WT1: variants seen among roughly 807,000 people sequenced by gnomAD.
The protein encoded by WT1 is WT1 transcription factor.
Under a neutral mutation model 60.8 loss-of-function variants are expected in WT1, and 8 were observed. The observed-to-expected ratio is 0.13, with a 90% CI of 0.08 to 0.24. WT1 has a LOEUF of 0.24. WT1 is among the 10% of genes least tolerant of loss of function. WT1 has a pLI of 1.00. For missense variants in WT1, 568 were observed against 711.8 expected, an observed-to-expected ratio of 0.80 and a Z score of 2.30; for synonymous variants, 312 against 297.1, an observed-to-expected ratio of 1.05 and a Z score of -0.52.
At chr11:32,400,256 A>C (rs1852113986) in intron 5 of WT1, 2 of 638,536 alleles carry the variant, frequency 3.1e-6, no homozygotes, top group Non-Finnish European at 5.7e-6. Flanking sequence ...CCCCTCCCTC[A>C]TCCTCCGATT....
intron 1 of WT1, chr11:32,430,588 G>C (rs1445916547): frequency 6.2e-7 from 1 of 1,604,528 alleles, no homozygotes; most frequent in Non-Finnish European, 8.5e-7. Flanking sequence ...ACAATCCTCA[G>C]AGCCCTGCTC....
intron 5 of WT1, among the ~76,000 whole-genome samples, chr11:32,411,646 T>C (rs1320089113): frequency 6.6e-6 from 1 of 152,196 alleles, no homozygotes; most frequent in Non-Finnish European, 1.5e-5. Flanking sequence ...AATACATTCA[T>C]CAAATGCATG....
At chr11:32,424,186 A>G (rs1852949106) in intron 3 of WT1, among the ~76,000 whole-genome samples, 1 of 144,386 alleles carries the variant, frequency 6.9e-6, no homozygotes, top group South Asian at 2.3e-4. Context: ...AAAAAGTGAT[A>G]CATTGCCTAT....
intron 2 of WT1, 149 bp downstream of exon 2, chr11:32,428,348 T>G: frequency 7.1e-7 from 1 of 1,409,542 alleles, no homozygotes; most frequent in Non-Finnish European, 9.7e-7. Flanking sequence ...AGTCTTGTCC[T>G]TTAAATACAG....
In WT1 at chr11:32,396,394, A is replaced by T. The variant is rs1180529775; in HGVS notation, c.1127T>A (p.Val376Glu). Residue 376 changes from valine (V) to glutamate (E), a missense_variant, in exon 7 of 10, where the codon GTG becomes GAG. Physicochemically the swap from Val to Glu is moderately radical, Grantham distance 121 (BLOSUM62 -2). Transcript: ENST00000452863. Reference sequence around the variant, plus strand: ...TACAAGAGTCGGGGCTACTCCAGGCACACGTCGCACATCCTGCAGGCAGAG... The same window carrying T: ...TACAAGAGTCGGGGCTACTCCAGGCTCACGTCGCACATCCTGCAGGCAGAG... The T allele has an allele frequency of 6.2e-7, 1 of 1,614,066 alleles. No homozygotes were observed. The highest frequency in any genetic ancestry group is 2.2e-5 in the East Asian group (1 of 44,874).
intron 5 of WT1, among the ~76,000 whole-genome samples, chr11:32,402,831 G>C (rs1360590860): frequency 1.3e-5 from 2 of 152,244 alleles, no homozygotes; most frequent in African/African-American, 4.8e-5. Context: ...GATCACAGGA[G>C]TGAGCCACTG....
Position 32,435,539 on chromosome 11 carries a change from T to A in WT1, c.-179A>T. On this transcript the variant is annotated 5_prime_UTR_variant, in exon 1 of 10. Coordinates refer to ENST00000452863, the MANE Select transcript of WT1 (RefSeq NM_024426.6). ...CCTTGAACTCCTTACCCCAGCTGCCTGGCTGCCCTCAGCTTCCCAAAGCTC... is the reference window on the plus strand; with the variant it reads ...CCTTGAACTCCTTACCCCAGCTGCCAGGCTGCCCTCAGCTTCCCAAAGCTC... 1 of 1,004,980 alleles carries A rather than the reference T, an allele frequency of 1.0e-6. No homozygotes were observed. The highest frequency in any genetic ancestry group is 1.4e-6 in the Non-Finnish European group (1 of 703,400). 62.3% of individuals were successfully genotyped at this position (1,004,980 alleles called of 1,614,324 possible).
chr11:32,424,538 C>T (rs1379970854), intron 3 of WT1, among the ~76,000 whole-genome samples: 2 of 152,206 alleles, frequency 1.3e-5, no homozygotes, highest in African/African-American at 4.8e-5. Flanking sequence ...TAAGGGCAGA[C>T]ACCTGGTTTC....
chr11:32,410,477 G>A (rs3901671), intron 5 of WT1, among the ~76,000 whole-genome samples: 44,225 of 151,690 alleles, frequency 0.29, 7,315 homozygotes, highest in East Asian at 0.68. Flanking sequence ...TGTCTCTTCC[G>A]TCTAATATAT....
chr11:32,388,531 G>A lies in WT1; in HGVS notation c.*527C>T. ...CTACATCCTGCTTTCCAGGTTAGCA[G>A]CCTGGCTGACCTCGGGAATGTTAGA... On this transcript the variant is annotated 3_prime_UTR_variant, in exon 10 of 10. Coordinates refer to ENST00000452863, the MANE Select transcript of WT1 (RefSeq NM_024426.6). The A allele has an allele frequency of 4.1e-6, 1 of 243,268 alleles. No homozygotes were observed. Among genetic ancestry groups the A allele is most frequent in the East Asian group, 5.7e-5 (1 of 17,402 alleles). The allele number at this position is 243,268 out of a possible 1,614,324, so 15.1% of individuals were successfully genotyped here. A position where few individuals can be genotyped will look rare whatever the true frequency, so the allele number is the denominator to read the frequency against.
Position 32,413,939 on chromosome 11 carries a change from C to T in WT1, c.1016+2551G>A, listed in dbSNP as rs115324375. Among the ~76,000 whole-genome samples the T allele has an allele frequency of 3.4e-3, 524 of 152,284 alleles. 3 individuals are homozygous for T. The highest frequency in any genetic ancestry group is 0.012 in the African/African-American group (495 of 41,558). On this transcript the variant is annotated intron_variant, in intron 5 of 9. Coordinates refer to ENST00000452863, the MANE Select transcript of WT1 (RefSeq NM_024426.6). The stretch of plus-strand genomic sequence containing the variant: ...TTAGATAGCTTAATCTCTCCACCTC[C>T]TCAGCTAAAAAATTGGATGTGGCCA...
intron 6 of WT1, among the ~76,000 whole-genome samples, chr11:32,398,696 T>A (rs532869977): frequency 1.1e-4 from 16 of 152,066 alleles, no homozygotes; most frequent in Admixed American, 2.6e-4. Context: ...TCCCCATCCA[T>A]GAAATGGAGA....
intron 1 of WT1, among the ~76,000 whole-genome samples, chr11:32,432,987 A>G (rs1853362565): frequency 6.6e-6 from 1 of 152,180 alleles, no homozygotes; most frequent in South Asian, 2.1e-4. Context: ...AGATGTTTAG[A>G]TGGGTTGCCG....
intron 5 of WT1, among the ~76,000 whole-genome samples, chr11:32,401,081 G>A (rs1852138744): frequency 1.3e-5 from 2 of 152,166 alleles, no homozygotes; most frequent in Admixed American, 1.3e-4. Context: ...ATTCCTAAGA[G>A]CCAAAAAGTA....
At chr11:32,426,011 C>T (rs1233848877) in intron 3 of WT1, among the ~76,000 whole-genome samples, 1 of 152,160 alleles carries the variant, frequency 6.6e-6, no homozygotes, top group African/African-American at 2.4e-5. Context: ...TGGTAATGAT[C>T]GCTTTTTCCT....
Position 32,435,141 on chromosome 11 carries a change from T to A in WT1, c.220A>T (p.Met74Leu). The change falls in exon 1 of 10, where the codon ATG (methionine) becomes TTG (leucine). Residue 74 changes from methionine to leucine, a missense_variant. This residue lies in a region of WT1 where 523 missense variants were observed against 565.1 expected (regional missense o/e 0.93). Transcript: ENST00000452863. ...TTCAGGTCCCGCACGTCGGAGCCCA[T>A]TTGCTGCGGCTCAGACCCGGACGCC... is the stretch of plus-strand genomic sequence containing the variant. The A allele has an allele frequency of 6.6e-7, 1 of 1,519,998 alleles. No homozygotes were observed. The highest frequency in any genetic ancestry group is 1.2e-5 in the South Asian group (1 of 82,586). The allele number at this position is 1,519,998 out of a possible 1,614,324, so 94.2% of individuals were successfully genotyped here.
chr11:32,389,942 T>C (rs1268677025), intron 9 of WT1, among the ~76,000 whole-genome samples: 1 of 152,176 alleles, frequency 6.6e-6, no homozygotes, highest in Non-Finnish European at 1.5e-5. Flanking sequence ...TGCCAAGCCT[T>C]GTGCTGGGCT....
At chr11:32,427,156 C>A (rs541130998) in intron 3 of WT1, among the ~76,000 whole-genome samples, 1 of 152,224 alleles carries the variant, frequency 6.6e-6, no homozygotes, top group Non-Finnish European at 1.5e-5. Flanking sequence ...GGCCCCCGCC[C>A]CAACTTCCAG....
chr11:32,434,723 C>T lies in WT1; in HGVS notation c.638G>A (p.Ser213Asn), dbSNP rs746964440. ...ACCCTGATTGCGAATAGCGGGCTGG[C>T]TCTCGAGGCAGCTGGGCAGGTAGGG... The change falls in exon 1 of 10, where the codon AGC (serine) becomes AAC (asparagine). Residue 213 changes from serine (S) to asparagine (N), a missense_variant. Ser to Asn is a conservative substitution (Grantham distance 46). Around this residue, in one of 3 missense-constraint regions of WT1, gnomAD observed 523 missense variants for 565.1 expected, o/e 0.93. Coordinates refer to ENST00000452863, the MANE Select transcript of WT1 (RefSeq NM_024426.6). The T allele has an allele frequency of 1.2e-6, 2 of 1,613,020 alleles. No individual in the cohort carries two copies. Among genetic ancestry groups the T allele is most frequent in the African/African-American group, 2.7e-5 (2 of 75,072 alleles).
Sources: gnomAD v4.1 joint callset for allele counts (sites outside exome capture counted in the v4.1 genomes callset) on GRCh38, gnomAD v4.1.1 for gene constraint, gnomAD v4.1.1 regional missense constraint, MANE v1.5 for transcripts, NCBI Gene and HGNC (gene_info 2026-07-23, HGNC 2026-07-21) for gene names.